The following TMEM63B variants were observed in gnomAD, a reference collection of about 807,000 sequenced individuals.
TMEM63B encodes transmembrane protein 63B, also known as mechanosensitive cation channel TMEM63B.
TMEM63B carries 23 observed loss-of-function variants against 102.6 expected under a neutral mutation model. That is an observed-to-expected ratio of 0.22 (90% CI 0.16 to 0.32). TMEM63B has a LOEUF of 0.32. Among genes scored for constraint, TMEM63B ranks in the 10% least tolerant of loss-of-function variants. The pLI, the probability that TMEM63B is intolerant of heterozygous loss-of-function variation, is 1.00. For missense variants in TMEM63B, 628 were observed against 1,095.9 expected, an observed-to-expected ratio of 0.57 and a Z score of 6.03; for synonymous variants, 444 against 437.0, an observed-to-expected ratio of 1.02 and a Z score of -0.20.
intron 5 of TMEM63B, among the ~76,000 whole-genome samples, chr6:44,137,154 G>A (rs1351483990): frequency 5.9e-5 from 9 of 152,216 alleles, no homozygotes; most frequent in Admixed American, 3.9e-4. Flanking sequence ...ATGTGGGGCC[G>A]GTTGACCTGC....
rs1255841570 is a variant in TMEM63B at position 44,152,398 on chromosome 6, C to T, written c.1837-195C>T. On this transcript the variant is annotated intron_variant, in intron 19 of 23. Coordinates refer to ENST00000323267, the MANE Select transcript of TMEM63B (RefSeq NM_018426.3). The surrounding 1 kb of genome is among the most constrained non-coding windows in gnomAD (Gnocchi z 6.4). ...CCTCTCCGTGCCCCATCACTGCAAC[C>T]GCCCTGACCCTCCTCTCGGCCATAG... Among the ~76,000 whole-genome samples the T allele has an allele frequency of 6.6e-6, 1 of 152,080 alleles. No homozygotes were observed. Among genetic ancestry groups the T allele is most frequent in the Non-Finnish European group, 1.5e-5 (1 of 68,002 alleles).
chr6:44,145,400 T>C (rs1414659765), intron 10 of TMEM63B, among the ~76,000 whole-genome samples: 23 of 147,304 alleles, frequency 1.6e-4, no homozygotes, highest in Admixed American at 1.6e-3. Context: ...GGCCAACATG[T>C]TGAAACCCTA....
chr6:44,134,844 A>C, intron 2 of TMEM63B, 101 bp downstream of exon 2: 22 of 1,526,264 alleles, frequency 1.4e-5, no homozygotes, highest in Non-Finnish European at 2.0e-5. Flanking sequence ...CCGGTTTCCC[A>C]GGCTTAAGCA....
At chr6:44,128,112 C>T (rs1777560190) in intron 1 of TMEM63B, among the ~76,000 whole-genome samples, 2 of 152,266 alleles carry the variant, frequency 1.3e-5, no homozygotes, top group South Asian at 4.1e-4. Flanking sequence ...GTCGCCAAGT[C>T]CGATGCCTTC....
chr6:44,132,787 C>T (rs985262298), intron 1 of TMEM63B, among the ~76,000 whole-genome samples: 3 of 152,202 alleles, frequency 2.0e-5, no homozygotes, highest in Non-Finnish European at 4.4e-5. Flanking sequence ...CACATTTCCA[C>T]AGCACCCACA....
chr6:44,131,172 C>A (rs1195073863), intron 1 of TMEM63B, among the ~76,000 whole-genome samples: 1 of 151,826 alleles, frequency 6.6e-6, no homozygotes, highest in Non-Finnish European at 1.5e-5. Context: ...CCCAGCTCGG[C>A]CTCCCAAAAT....
At chr6:44,131,327 G>GAGACTCAGGTTTCGTAGTAAC (rs1467564414) in intron 1 of TMEM63B, among the ~76,000 whole-genome samples, 1 of 152,150 alleles carries the variant, frequency 6.6e-6, no homozygotes, top group East Asian at 1.9e-4. Context: ...TTGGAAGACT[G>GAGACTCAGGTTTCGTAGTAAC]AGACTCAGGT....
chr6:44,138,967 C>G (rs541341076), intron 6 of TMEM63B: 1 of 249,994 alleles, frequency 4.0e-6, no homozygotes, highest in South Asian at 5.5e-5. Context: ...CAGGCCTCCC[C>G]CAAGGGTACC....
At chr6:44,143,114 C>A (rs982824060) in intron 10 of TMEM63B, among the ~76,000 whole-genome samples, 2 of 152,150 alleles carry the variant, frequency 1.3e-5, no homozygotes, top group African/African-American at 4.8e-5. Context: ...AGTGTGTGAT[C>A]CAATCAGAGA....
chr6:44,150,622 C>T lies in TMEM63B; in HGVS notation c.1666C>T (p.Arg556Trp). The T allele has an allele frequency of 2.5e-6, 4 of 1,614,004 alleles. No homozygotes were observed. The highest frequency in any genetic ancestry group is 3.4e-6 in the Non-Finnish European group (4 of 1,179,972). ...DKKFLAEAAI[R>W]FECVFLPDNG... ...GAAATTCTTGGCTGAGGCAGCTATT[C>T]GGTTTGAGTGAGTGACTGGGGCCCC... The change falls in exon 18 of 24, where the codon CGG becomes TGG. Residue 556 changes from arginine (R) to tryptophan (W), a missense_variant. By Grantham distance (101) the Arg-to-Trp change is moderately radical. This residue lies in a region of TMEM63B where 61 missense variants were observed against 176.0 expected (regional missense o/e 0.35). Coordinates refer to ENST00000323267, the MANE Select transcript of TMEM63B (RefSeq NM_018426.3). The surrounding 1 kb of genome is among the most constrained non-coding windows in gnomAD (Gnocchi z 4.7).
intron 18 of TMEM63B, among the ~76,000 whole-genome samples, chr6:44,151,491 TG>T: frequency 6.6e-6 from 1 of 152,052 alleles, no homozygotes; most frequent in Non-Finnish European, 1.5e-5. Context: ...ATGGTCTAAG[TG>T]GGGGAATCTT....
At position 44,148,799 on chromosome 6, in the gene TMEM63B, C is replaced by G; in HGVS notation, c.1267C>G (p.Leu423Val). Residue 423 changes from leucine to valine, a missense_variant, in exon 15 of 24, where the codon CTC (leucine) becomes GTC (valine). Transcript: ENST00000323267. This position sits in a 1 kb window ranked among gnomAD's most constrained non-coding sequence, Gnocchi z 5.1. ...PDPQNIYWEH[L>V]SIRGFIWWLR... ...GGTTCCCCACCTTGCCAGGGAGCAC[C>G]TCTCCATCCGAGGCTTCATCTGGTG... 6.2e-7 allele frequency: 1 copy of G among 1,614,136 alleles called. No homozygotes were observed. Among genetic ancestry groups the G allele is most frequent in the South Asian group, 1.1e-5 (1 of 91,078 alleles).
In TMEM63B at chr6:44,150,539, C is replaced by G. The variant is rs756681000; in HGVS notation, c.1608-25C>G. 1.2e-6 allele frequency: 2 copies of G among 1,613,660 alleles called. No individual in the cohort carries two copies. Among genetic ancestry groups the G allele is most frequent in the Non-Finnish European group, 1.7e-6 (2 of 1,179,652 alleles). ...GTTCTGTACCACTCCAGCTCCCACC[C>G]CATCTCTCCTCTGCTTCCCTCCAGC... On this transcript the variant is annotated intron_variant, in intron 17 of 23. Coordinates refer to ENST00000323267, the MANE Select transcript of TMEM63B (RefSeq NM_018426.3). The surrounding 1 kb of genome is among the most constrained non-coding windows in gnomAD (Gnocchi z 4.7).
Position 44,153,762 on chromosome 6 carries a change from C to T in TMEM63B, c.2029C>T (p.His677Tyr). Residue 677 changes from histidine to tyrosine, a missense_variant, in exon 21 of 24, where the codon CAC becomes TAC. Physicochemically the swap from His to Tyr is moderately conservative, Grantham distance 83. This residue lies in a region of TMEM63B where 90 missense variants were observed against 136.7 expected (regional missense o/e 0.66). Coordinates refer to ENST00000323267, the MANE Select transcript of TMEM63B (RefSeq NM_018426.3). The stretch of plus-strand genomic sequence containing the variant: ...GCCGGCCAAGCTGGACAAGAAGATC[C>T]ACTCGGGGGCTGTGAACCAGGTGGT... The part of the protein sequence containing the change: ...YLPAKLDKKI[H>Y]SGAVNQVVAA... 2 of 1,614,152 alleles carry T rather than the reference C, an allele frequency of 1.2e-6. No individual in the cohort carries two copies. Among genetic ancestry groups the T allele is most frequent in the Non-Finnish European group, 1.7e-6 (2 of 1,180,028 alleles).
intron 20 of TMEM63B, among the ~76,000 whole-genome samples, 186 bp from the exon 21 acceptor site, chr6:44,153,490 G>A (rs539016129): frequency 6.6e-6 from 1 of 152,346 alleles, no homozygotes; most frequent in Admixed American, 6.5e-5. Flanking sequence ...AGAATGAGGG[G>A]TTGTAGCGGA....
chr6:44,135,182 T>C, intron 3 of TMEM63B, 86 bp downstream of exon 3: 1 of 1,583,578 alleles, frequency 6.3e-7, no homozygotes, highest in Non-Finnish European at 8.6e-7. Context: ...CAGCCCTCTC[T>C]CATTCCCCTT....
chr6:44,143,567 G>GTTT (rs1554197879), intron 10 of TMEM63B, among the ~76,000 whole-genome samples: 46,801 of 132,008 alleles, frequency 0.35, 7,505 homozygotes, highest in Middle Eastern at 0.39. Flanking sequence ...TCTGGTGTTT[G>GTTT]TTGTTTTTGT....
At chr6:44,138,793 C>A (rs1763607786) in intron 6 of TMEM63B, 2 of 417,980 alleles carry the variant, frequency 4.8e-6, no homozygotes, top group African/African-American at 2.0e-5. Context: ...GGAGCCCCTG[C>A]CTCAACCTCT....
At chr6:44,153,996 C>A in intron 21 of TMEM63B, 77 bp from the exon 22 acceptor site, 1 of 1,559,494 alleles carries the variant, frequency 6.4e-7, no homozygotes, top group Non-Finnish European at 8.8e-7. Flanking sequence ...GTGAGGACTG[C>A]ATTCAGAGGG....
Sources: allele counts gnomAD v4.1 joint callset (sites outside exome capture counted in the v4.1 genomes callset), GRCh38; gene constraint gnomAD v4.1.1; regional missense constraint gnomAD v4.1.1; non-coding constraint Gnocchi (gnomAD v3.1); transcripts MANE v1.5; gene names NCBI Gene and HGNC (gene_info 2026-07-23, HGNC 2026-07-21).